FAM169A: variants seen among roughly 807,000 people sequenced by gnomAD.
FAM169A encodes the protein soluble lamin-associated protein of 75 kDa.
A neutral mutation model predicts 75.7 loss-of-function variants in FAM169A; 24 were observed. The ratio of observed to expected loss-of-function variants is 0.32; its 90% CI spans 0.23 to 0.45. The LOEUF (loss-of-function observed/expected upper bound fraction) is 0.45. FAM169A is among the 20% of genes least tolerant of loss of function. FAM169A has a pLI of 1.00. For synonymous variants in FAM169A, 271 were observed against 271.0 expected, an observed-to-expected ratio of 1.00 and a Z score of 0.00; for missense variants, 673 against 784.0, an observed-to-expected ratio of 0.86 and a Z score of 1.69.
chr5:74,857,617 T>C (rs1452336643), intron 1 of FAM169A, among the ~76,000 whole-genome samples: 1 of 96,314 alleles, frequency 1.0e-5, no homozygotes, highest in African/African-American at 3.6e-5. Context: ...TCCCTTAAAA[T>C]ATTTGAAGAA....
intron 1 of FAM169A, among the ~76,000 whole-genome samples, chr5:74,851,284 A>G (rs923176788): frequency 6.6e-6 from 1 of 152,188 alleles, no homozygotes; most frequent in Admixed American, 6.5e-5. Context: ...GATACGGCCT[A>G]TCTTGTGATA....
chr5:74,782,286 A>T (rs1002780620), intron 12 of FAM169A, among the ~76,000 whole-genome samples: 1 of 152,198 alleles, frequency 6.6e-6, no homozygotes, highest in African/African-American at 2.4e-5. Flanking sequence ...ATTAAGCTTC[A>T]TATCAAGATT....
chr5:74,812,900 T>TA, intron 6 of FAM169A, among the ~76,000 whole-genome samples: 1 of 152,316 alleles, frequency 6.6e-6, no homozygotes, highest in South Asian at 2.1e-4. Context: ...GTAACCCTCA[T>TA]ATAATATTGC....
chr5:74,865,601 A>G (rs1750280246), intron 1 of FAM169A: 1 of 152,454 alleles, frequency 6.6e-6, no homozygotes, highest in Non-Finnish European at 1.5e-5. Flanking sequence ...CACAATTAGG[A>G]CAAAACTGCA....
chr5:74,814,014 T>A lies in FAM169A; in HGVS notation c.496A>T (p.Ile166Leu). 1 of 1,562,308 alleles carries A rather than the reference T, an allele frequency of 6.4e-7. No homozygotes were observed. Among genetic ancestry groups the A allele is most frequent in the Non-Finnish European group, 8.6e-7 (1 of 1,160,652 alleles). Residue 166 changes from isoleucine to leucine, a missense_variant, in exon 6 of 13, where the codon ATA becomes TTA. Transcript: ENST00000687041. The part of the protein sequence containing the change: ...GFYSVKPTGS[I>L]CASFLTQSYQ... ...CTTTGGGTAAGAAAAGAGGCACATA[T>A]GCTTCCTGCAGTAATAAGAACAGAA...
chr5:74,835,569 T>G (rs1748529739), intron 4 of FAM169A, among the ~76,000 whole-genome samples: 1 of 124,594 alleles, frequency 8.0e-6, no homozygotes, highest in Non-Finnish European at 1.6e-5. Context: ...ACCACCGCAC[T>G]CCAGCCTGGG....
At chr5:74,839,705 G>A (rs1371358180) in intron 3 of FAM169A, among the ~76,000 whole-genome samples, 1 of 151,792 alleles carries the variant, frequency 6.6e-6, no homozygotes, top group African/African-American at 2.4e-5. Context: ...TGTATTTTTA[G>A]TAGAGACAGG....
chr5:74,785,497 T>C (rs1745651546), intron 11 of FAM169A, among the ~76,000 whole-genome samples: 1 of 152,140 alleles, frequency 6.6e-6, no homozygotes, highest in Non-Finnish European at 1.5e-5. Flanking sequence ...CGCCGTGGTT[T>C]ATGCCTGTAA....
At chr5:74,816,686 G>A (rs957294242) in intron 5 of FAM169A, among the ~76,000 whole-genome samples, 1 of 152,118 alleles carries the variant, frequency 6.6e-6, no homozygotes. Context: ...CAAAAGCTGT[G>A]GATTTACCTA....
intron 11 of FAM169A, among the ~76,000 whole-genome samples, chr5:74,792,846 C>T (rs1218399411): frequency 2.0e-5 from 3 of 152,102 alleles, no homozygotes; most frequent in Non-Finnish European, 4.4e-5. Flanking sequence ...TGTGGAGATT[C>T]CTTAAAGTAC....
At chr5:74,818,776 T>G (rs903347017) in intron 5 of FAM169A, among the ~76,000 whole-genome samples, 19 of 112,680 alleles carry the variant, frequency 1.7e-4, no homozygotes, top group African/African-American at 8.0e-4. Context: ...CACAGCTCTC[T>G]CTCTCTCTCT....
At chr5:74,793,599 G>T (rs1746092727) in intron 11 of FAM169A, among the ~76,000 whole-genome samples, 1 of 151,988 alleles carries the variant, frequency 6.6e-6, no homozygotes, top group South Asian at 2.1e-4. Flanking sequence ...CTACACGTTG[G>T]GTACAGTATA....
chr5:74,818,772 T>C (rs1009285365), intron 5 of FAM169A, among the ~76,000 whole-genome samples: 1 of 108,244 alleles, frequency 9.2e-6, no homozygotes, highest in Non-Finnish European at 1.7e-5. Context: ...GTTTCACAGC[T>C]CTCTCTCTCT....
intron 10 of FAM169A, chr5:74,800,086 T>G: frequency 1.5e-6 from 1 of 654,380 alleles, no homozygotes; most frequent in Non-Finnish European, 2.9e-6. Flanking sequence ...TGAAGCTGAG[T>G]GAGCCTCCGC....
chr5:74,839,385 C>T (rs1436285847), intron 3 of FAM169A, among the ~76,000 whole-genome samples: 6 of 152,110 alleles, frequency 3.9e-5, no homozygotes, highest in African/African-American at 1.4e-4. Context: ...TAATGTTTGA[C>T]TGTTCCTCCT....
At chr5:74,786,109 T>C (rs1362981678) in intron 11 of FAM169A, among the ~76,000 whole-genome samples, 1 of 152,148 alleles carries the variant, frequency 6.6e-6, no homozygotes, top group Non-Finnish European at 1.5e-5. Context: ...AGCCTACATC[T>C]TTCTCCTGTG....
intron 1 of FAM169A, among the ~76,000 whole-genome samples, chr5:74,852,146 T>C (rs78553692): frequency 1.5e-3 from 233 of 152,272 alleles, no homozygotes; most frequent in African/African-American, 5.4e-3. Context: ...ACAATCCCCA[T>C]CACTACCCGA....
chr5:74,782,926 C>T lies in FAM169A; in HGVS notation c.1464+5G>A, dbSNP rs766324727. The T allele has an allele frequency of 3.7e-6, 6 of 1,606,476 alleles. No homozygotes were observed. The East Asian group carries it at 1.3e-4, about 36-fold the overall frequency. ...TTATTAAAAAATAGCTCATTGCCCC[C>T]TTACCTTATCTGGTGCATCTACCTC... On this transcript the variant is annotated splice_donor_5th_base_variant and intron_variant, in intron 12 of 12. Transcript: ENST00000687041.
intron 1 of FAM169A, among the ~76,000 whole-genome samples, chr5:74,856,825 A>G (rs1273462593): frequency 6.6e-6 from 1 of 151,786 alleles, no homozygotes; most frequent in African/African-American, 2.4e-5. Flanking sequence ...AAAAAAAAAA[A>G]AAGGCCAGGT....
Sources: allele counts gnomAD v4.1 joint callset (sites outside exome capture counted in the v4.1 genomes callset), GRCh38; gene constraint gnomAD v4.1.1; transcripts MANE v1.5; gene names NCBI Gene and HGNC (gene_info 2026-07-23, HGNC 2026-07-21).